The following GREB1L variants were observed in gnomAD, a reference collection of about 807,000 sequenced individuals.
GREB1L encodes the protein GREB1 like retinoic acid receptor coactivator, also known as GREB1-like protein.
GREB1L carries 17 observed loss-of-function variants against 200.8 expected under a neutral mutation model. The ratio of observed to expected loss-of-function variants is 0.08; its 90% CI spans 0.06 to 0.13. The LOEUF (loss-of-function observed/expected upper bound fraction) is 0.13. GREB1L is among the 10% of genes least tolerant of loss of function. The pLI is 1.00. For missense variants in GREB1L, 1,657 were observed against 2,367.7 expected (o/e 0.70, Z 6.23); for synonymous variants, 789 against 893.0 (o/e 0.88, Z 2.08).
chr18:21,274,081 A>G (rs1041668002), intron 1 of GREB1L, among the ~76,000 whole-genome samples: 1 of 152,218 alleles, frequency 6.6e-6, no homozygotes, highest in Non-Finnish European at 1.5e-5. Flanking sequence ...TATTTCTTAC[A>G]ATTCTAGACG....
chr18:21,352,709 C>G (rs1454329588), intron 1 of GREB1L, among the ~76,000 whole-genome samples: 1 of 151,774 alleles, frequency 6.6e-6, no homozygotes, highest in Non-Finnish European at 1.5e-5. Context: ...GCTGGGATTA[C>G]AGGCATGAGC....
At chr18:21,294,223 A>T (rs2038493773) in intron 1 of GREB1L, among the ~76,000 whole-genome samples, 1 of 152,208 alleles carries the variant, frequency 6.6e-6, no homozygotes, top group Non-Finnish European at 1.5e-5. Context: ...ATTAATTTAA[A>T]TATTCATAGT....
chr18:21,322,417 A>G (rs2038964580), intron 1 of GREB1L, among the ~76,000 whole-genome samples: 1 of 152,130 alleles, frequency 6.6e-6, no homozygotes, highest in African/African-American at 2.4e-5. Context: ...GGTAAAGAAA[A>G]CTTTAAAATG....
At chr18:21,448,172 AAGC>A (rs1327088146) in intron 11 of GREB1L, among the ~76,000 whole-genome samples, 6 of 151,090 alleles carry the variant, frequency 4.0e-5, no homozygotes, top group Non-Finnish European at 7.4e-5. Context: ...AAAAAAAAAA[AAGC>A]AGCAGCAGCA....
intron 4 of GREB1L, among the ~76,000 whole-genome samples, chr18:21,394,107 A>C (rs193181160): frequency 6.6e-6 from 1 of 152,314 alleles, no homozygotes; most frequent in African/African-American, 2.4e-5. Flanking sequence ...GGCTGGCACT[A>C]AGCAGTCTGA....
chr18:21,400,368 G>T (rs915430314), intron 5 of GREB1L, among the ~76,000 whole-genome samples: 9 of 152,156 alleles, frequency 5.9e-5, no homozygotes, highest in Non-Finnish European at 1.3e-4. Context: ...TAAGAAGCCA[G>T]TATGAATAAA....
chr18:21,343,611 A>G (rs181869880), intron 1 of GREB1L, among the ~76,000 whole-genome samples: 67 of 152,322 alleles, frequency 4.4e-4, no homozygotes, highest in African/African-American at 1.5e-3. Context: ...CCCTGGTCAC[A>G]GAATTTATCG....
At chr18:21,319,447 C>T (rs1317004628) in intron 1 of GREB1L, among the ~76,000 whole-genome samples, 1 of 151,994 alleles carries the variant, frequency 6.6e-6, no homozygotes, top group Non-Finnish European at 1.5e-5. Flanking sequence ...GCCGGAAGGC[C>T]CTATACTCTT....
intron 1 of GREB1L, among the ~76,000 whole-genome samples, chr18:21,261,087 CT>C (rs1474376085): frequency 6.6e-6 from 1 of 151,878 alleles, no homozygotes; most frequent in Non-Finnish European, 1.5e-5. Context: ...TAAATCTGAG[CT>C]GTGAAAAAGC....
intron 1 of GREB1L, among the ~76,000 whole-genome samples, chr18:21,359,383 G>A (rs1281705757): frequency 6.6e-6 from 1 of 152,194 alleles, no homozygotes; most frequent in Admixed American, 6.5e-5. Flanking sequence ...CCAGGAGGTG[G>A]AGGTTGCAGT....
chr18:21,465,462 T>A (rs2145608150), intron 15 of GREB1L, among the ~76,000 whole-genome samples: 1 of 152,244 alleles, frequency 6.6e-6, no homozygotes, highest in East Asian at 1.9e-4. Context: ...ATTGAAGGAT[T>A]TAAGGGTAAA....
chr18:21,452,246 A>C, intron 14 of GREB1L, 29 bp downstream of exon 14: 2 of 1,548,738 alleles, frequency 1.3e-6, no homozygotes, highest in Non-Finnish European at 1.7e-6. Context: ...AAGAGGAGGA[A>C]GTCAGTCCTT....
chr18:21,495,680 G>A lies in GREB1L; in HGVS notation c.3041G>A (p.Gly1014Glu), dbSNP rs2145899150. The A allele has an allele frequency of 1.3e-6, 2 of 1,509,566 alleles. No individual in the cohort carries two copies. The highest frequency in any genetic ancestry group is 1.4e-5 in the African/African-American group (1 of 72,174). 93.5% of individuals were successfully genotyped at this position (1,509,566 alleles called of 1,614,324 possible). A position where few individuals can be genotyped will look rare whatever the true frequency, so the allele number is the denominator to read the frequency against. Residue 1014 changes from glycine (G) to glutamate (E), a missense_variant, in exon 20 of 33, where the codon GGA becomes GAA. Gly to Glu is a moderately conservative substitution (Grantham distance 98). Transcript: ENST00000424526. Reference protein sequence around the residue: ...HFVARLKSWRGNEPEEWIPRT... With the variant: ...HFVARLKSWRENEPEEWIPRT... ...GGTCTCTTTCTGTAGAGTTGGAGAG[G>A]AAATGAACCAGAAGAGTGGATCCCT...
chr18:21,410,726 C>T (rs191661761), intron 7 of GREB1L, among the ~76,000 whole-genome samples: 4 of 134,078 alleles, frequency 3.0e-5, no homozygotes, highest in Admixed American at 7.8e-5. Flanking sequence ...TTAGGAGTCA[C>T]CATAGAGTAA....
chr18:21,279,232 A>T (rs1214786707), intron 1 of GREB1L, among the ~76,000 whole-genome samples: 1 of 152,124 alleles, frequency 6.6e-6, no homozygotes, highest in Non-Finnish European at 1.5e-5. Flanking sequence ...GTTTATTTTC[A>T]TAATTGTAAT....
intron 1 of GREB1L, among the ~76,000 whole-genome samples, chr18:21,268,522 TACACACACACACACAC>T (rs773384876): frequency 3.1e-5 from 2 of 65,164 alleles, no homozygotes; most frequent in African/African-American, 4.9e-5. Flanking sequence ...TATATATATA[TACACACACACACACAC>T]ACACACACAC....
chr18:21,318,487 A>C (rs1410547272), intron 1 of GREB1L, among the ~76,000 whole-genome samples: 1 of 152,192 alleles, frequency 6.6e-6, no homozygotes, highest in Non-Finnish European at 1.5e-5. Context: ...TTCCAAGGAT[A>C]ATGCGATCTT....
intron 7 of GREB1L, among the ~76,000 whole-genome samples, chr18:21,429,176 TCCTTCCCCTC>T (rs2032925556): frequency 2.0e-5 from 1 of 49,010 alleles, no homozygotes; most frequent in Non-Finnish European, 3.5e-5. Context: ...TCCCCTCCCT[TCCTTCCCCTC>T]CCTTCCCCTC....
At chr18:21,264,673 C>T (rs148194232) in intron 1 of GREB1L, among the ~76,000 whole-genome samples, 4 of 150,196 alleles carry the variant, frequency 2.7e-5, no homozygotes, top group Non-Finnish European at 4.4e-5. Context: ...CCCCCTCCCC[C>T]CCTCCTGGTC....
Sources: allele counts gnomAD v4.1 joint callset (sites outside exome capture counted in the v4.1 genomes callset), GRCh38; gene constraint gnomAD v4.1.1; transcripts MANE v1.5; gene names NCBI Gene and HGNC (gene_info 2026-07-23, HGNC 2026-07-21).